The following PACRG variants were observed in gnomAD, a reference collection of about 807,000 sequenced individuals.
PACRG encodes the protein parkin coregulated gene protein.
Under a neutral mutation model 29.7 loss-of-function variants are expected in PACRG, and 29 were observed. The observed-to-expected ratio is 0.98, with a 90% CI of 0.73 to 1.33. PACRG has a LOEUF of 1.33. PACRG is among the 40% of genes most tolerant of loss of function. The probability of loss-of-function intolerance (pLI) is 0.00; values close to 1 mark genes in which losing one functional copy is unlikely to be tolerated. For missense variants in PACRG, 279 were observed against 316.2 expected, an observed-to-expected ratio of 0.88 and a Z score of 0.89; for synonymous variants, 116 against 118.7, an observed-to-expected ratio of 0.98 and a Z score of 0.15.
chr6:163,190,725 G>A (rs1187790753), intron 4 of PACRG: 1 of 224,780 alleles, frequency 4.4e-6, no homozygotes, highest in East Asian at 1.2e-4. Flanking sequence ...CCTAGAACTA[G>A]AATTGGGCAA....
At chr6:163,011,884 G>A (rs1461354731) in intron 2 of PACRG, among the ~76,000 whole-genome samples, 2 of 152,142 alleles carry the variant, frequency 1.3e-5, no homozygotes, top group Non-Finnish European at 2.9e-5. Context: ...AGGGTCAGGA[G>A]CATCCATGTC....
chr6:163,171,156 T>C (rs1048341640), intron 4 of PACRG, among the ~76,000 whole-genome samples: 1 of 152,204 alleles, frequency 6.6e-6, no homozygotes, highest in Non-Finnish European at 1.5e-5. Flanking sequence ...ATCCATTCAA[T>C]GACAAGTAGT....
intron 4 of PACRG, among the ~76,000 whole-genome samples, chr6:163,298,474 A>T (rs983173664): frequency 6.6e-6 from 1 of 152,252 alleles, no homozygotes; most frequent in Admixed American, 6.5e-5. Context: ...TGAACAATCA[A>T]TGTGGCAGCC....
intron 2 of PACRG, among the ~76,000 whole-genome samples, chr6:163,056,416 T>C (rs1011900403): frequency 6.6e-6 from 1 of 152,242 alleles, no homozygotes; most frequent in African/African-American, 2.4e-5. Flanking sequence ...CATTGTTTCA[T>C]TGTGGGCAGG....
chr6:163,001,562 A>T (rs775009096), intron 2 of PACRG, among the ~76,000 whole-genome samples: 14 of 152,196 alleles, frequency 9.2e-5, no homozygotes, highest in Non-Finnish European at 2.1e-4. Context: ...GTAACTTCTG[A>T]TATGACTCAA....
intron 2 of PACRG, 183 bp downstream of exon 2, chr6:162,814,464 T>C: frequency 4.9e-6 from 3 of 618,536 alleles, no homozygotes; most frequent in Non-Finnish European, 7.7e-6. Context: ...ACAATTAAAT[T>C]ATAGCCTGCA....
chr6:162,742,254 C>A (rs1451561986), intron 1 of PACRG, among the ~76,000 whole-genome samples: 1 of 152,152 alleles, frequency 6.6e-6, no homozygotes. Flanking sequence ...TGGTTTCCCT[C>A]ATACTATTCT....
chr6:163,103,538 A>G (rs999390053), intron 4 of PACRG, among the ~76,000 whole-genome samples: 8 of 152,146 alleles, frequency 5.3e-5, no homozygotes, highest in African/African-American at 1.4e-4. Flanking sequence ...GTTACAAGGC[A>G]TGGAACTATG....
intron 4 of PACRG, among the ~76,000 whole-genome samples, chr6:163,132,950 A>T (rs1328992847): frequency 1.3e-5 from 2 of 152,226 alleles, no homozygotes; most frequent in Admixed American, 6.5e-5. Flanking sequence ...GGAAATTTTT[A>T]TTGGCTGCTT....
At chr6:162,729,565 C>A (rs529239113) in intron 1 of PACRG, among the ~76,000 whole-genome samples, 1 of 152,170 alleles carries the variant, frequency 6.6e-6, no homozygotes, top group African/African-American at 2.4e-5. Flanking sequence ...GTAACTAATT[C>A]TTTTTCATGG....
At chr6:162,962,417 T>C (rs1199413385) in intron 2 of PACRG, among the ~76,000 whole-genome samples, 1 of 152,158 alleles carries the variant, frequency 6.6e-6, no homozygotes, top group Non-Finnish European at 1.5e-5. Flanking sequence ...GATTGGGCCA[T>C]GTTATGGGCT....
chr6:162,998,580 C>G (rs975731956), intron 2 of PACRG, among the ~76,000 whole-genome samples: 10 of 152,060 alleles, frequency 6.6e-5, no homozygotes, highest in African/African-American at 1.9e-4. Flanking sequence ...GCATGGTGTT[C>G]TTTTCTTTAT....
rs560873912 is a variant in PACRG at position 162,814,246 on chromosome 6, G to A, written c.256G>A (p.Glu86Lys). ...GCGAGGTGACTTCCCAATTGCCCTT[G>A]AGCATGATTCGAAAGGAAACAAAAT... Reference protein sequence around the residue: ...YERGDFPIALEHDSKGNKIAW... With the variant: ...YERGDFPIALKHDSKGNKIAW... Residue 86 changes from glutamate (E) to lysine (K), a missense_variant, in exon 2 of 5, where the codon GAG (glutamate) becomes AAG (lysine). By Grantham distance (56) the Glu-to-Lys change is moderately conservative (BLOSUM62 1). Coordinates refer to ENST00000366888, the MANE Select transcript of PACRG (RefSeq NM_001080379.2). The A allele has an allele frequency of 5.6e-6, 9 of 1,613,872 alleles. No individual in the cohort carries two copies. Among genetic ancestry groups the A allele is most frequent in the South Asian group, 2.2e-5 (2 of 91,062 alleles).
At chr6:163,235,943 GT>G (rs1782220219) in intron 4 of PACRG, among the ~76,000 whole-genome samples, 1 of 131,892 alleles carries the variant, frequency 7.6e-6, no homozygotes, top group South Asian at 2.5e-4. Flanking sequence ...TGTTTTTTTT[GT>G]TTGTTTTTGT....
In PACRG at chr6:162,750,125, T is replaced by C. The variant is rs543193395; in HGVS notation, c.156+21734T>C. Among the ~76,000 whole-genome samples, 10 of 152,378 alleles carry C rather than the reference T, an allele frequency of 6.6e-5. No individual in the cohort carries two copies. The East Asian group carries it at 1.9e-3, about 29-fold the overall frequency. On this transcript the variant is annotated intron_variant, in intron 1 of 4. Transcript: ENST00000366888. ...TTTGTTGATACTGATTTGTTCCGTGTACATAAAACTTAAATTTATGTCTGC... is the reference window on the plus strand; with the variant it reads ...TTTGTTGATACTGATTTGTTCCGTGCACATAAAACTTAAATTTATGTCTGC...
intron 3 of PACRG, among the ~76,000 whole-genome samples, chr6:163,064,829 A>C (rs2128269118): frequency 7.0e-6 from 1 of 142,220 alleles, no homozygotes. Context: ...ACCAGCAAGC[A>C]GACTAGAAGT....
chr6:162,877,019 A>T, intron 2 of PACRG, among the ~76,000 whole-genome samples: 1 of 152,176 alleles, frequency 6.6e-6, no homozygotes, highest in South Asian at 2.1e-4. Flanking sequence ...GTGGTGAAAG[A>T]CAGTGTGGCG....
intron 4 of PACRG, among the ~76,000 whole-genome samples, chr6:163,222,102 TGTAAA>T (rs79930663): frequency 0.18 from 26,973 of 152,000 alleles, 2,672 homozygotes; most frequent in African/African-American, 0.27. Context: ...GACAAAAAAC[TGTAAA>T]GTATTTTGTA....
At chr6:162,933,047 T>TATATGG (rs1227940421) in intron 2 of PACRG, among the ~76,000 whole-genome samples, 1 of 152,058 alleles carries the variant, frequency 6.6e-6, no homozygotes, top group African/African-American at 2.4e-5. Flanking sequence ...TATGATTTGG[T>TATATGG]ATATGTTTAG....
Sources: allele counts gnomAD v4.1 joint callset (sites outside exome capture counted in the v4.1 genomes callset), GRCh38; gene constraint gnomAD v4.1.1; transcripts MANE v1.5; gene names NCBI Gene and HGNC (gene_info 2026-07-23, HGNC 2026-07-21).